Variants in RGS12 observed in about 807,000 individuals in gnomAD.
RGS12 encodes the protein regulator of G-protein signaling 12.
RGS12 carries 66 observed loss-of-function variants against 120.1 expected under a neutral mutation model. That is an observed-to-expected ratio of 0.55 (90% CI 0.45 to 0.67). The LOEUF (loss-of-function observed/expected upper bound fraction) is 0.67, where lower values mean the gene tolerates loss of function less well. Among genes scored for constraint, RGS12 ranks in the 30% least tolerant of loss-of-function variants. The pLI is 0.00. For synonymous variants in RGS12, 827 were observed against 804.7 expected, an observed-to-expected ratio of 1.03 and a Z score of -0.47; for missense variants, 1,859 against 1,957.7, an observed-to-expected ratio of 0.95 and a Z score of 0.95.
chr4:3,370,058 C>T lies in RGS12; in HGVS notation c.1999-16358C>T, dbSNP rs960887541. The T allele has an allele frequency of 7.1e-6, 9 of 1,264,668 alleles. No homozygotes were observed. In the East Asian group the frequency reaches 9.0e-5, roughly 13 times the overall value. The allele number at this position is 1,264,668 out of a possible 1,614,324, so 78.3% of individuals were successfully genotyped here. On this transcript the variant is annotated intron_variant, in intron 3 of 17. Transcript: ENST00000336727. Reference sequence around the variant, plus strand: ...GATCTCACAGCGTGATTTATGTAAACGGCGCTTCTTTCTTTGGATGAGACA... The same window carrying T: ...GATCTCACAGCGTGATTTATGTAAATGGCGCTTCTTTCTTTGGATGAGACA...
intron 2 of RGS12, among the ~76,000 whole-genome samples, chr4:3,332,020 A>G (rs1711907197): frequency 6.6e-6 from 1 of 152,180 alleles, no homozygotes. Flanking sequence ...GGGGCTGGGA[A>G]GCAGTGGACA....
intron 4 of RGS12, among the ~76,000 whole-genome samples, chr4:3,387,208 G>C (rs1718949719): frequency 6.6e-6 from 1 of 152,258 alleles, no homozygotes. Context: ...CTGTGGGCCA[G>C]GGATGGGCTG....
chr4:3,316,675 A>T lies in RGS12; in HGVS notation c.505A>T (p.Arg169Ter). Reference sequence around the variant, plus strand: ...TTCAGAGCCCTTGAAATTGAAACAAAGATCCCTTTCAGAGTCGGCCGCAAC... The same window carrying T: ...TTCAGAGCCCTTGAAATTGAAACAATGATCCCTTTCAGAGTCGGCCGCAAC... The part of the protein sequence containing the change: ...SNSEPLKLKQ[R>*]SLSESAATRF... The change falls in exon 2 of 18, where the codon AGA (arginine) becomes TGA (stop). Residue 169 changes from arginine to a stop codon, truncating the protein, a stop_gained. Coordinates refer to ENST00000336727, the MANE Select transcript of RGS12 (RefSeq NM_001394154.1). LOFTEE classifies it high-confidence loss of function. The T allele has an allele frequency of 6.2e-7, 1 of 1,614,140 alleles. No individual in the cohort carries two copies. Among genetic ancestry groups the T allele is most frequent in the Non-Finnish European group, 8.5e-7 (1 of 1,180,020 alleles).
chr4:3,312,198 T>G (rs998310466), intron 1 of RGS12, among the ~76,000 whole-genome samples: 2 of 152,204 alleles, frequency 1.3e-5, no homozygotes, highest in Non-Finnish European at 2.9e-5. Context: ...CTTCTAAATT[T>G]CACTGTCTGT....
chr4:3,368,450 GT>G (rs1716586102), intron 3 of RGS12, among the ~76,000 whole-genome samples: 3 of 129,724 alleles, frequency 2.3e-5, no homozygotes, highest in South Asian at 2.8e-4. Context: ...CTGTGTGTGT[GT>G]GGGGTGCCTT....
At chr4:3,375,162 C>T (rs989590471) in intron 3 of RGS12, among the ~76,000 whole-genome samples, 1 of 152,178 alleles carries the variant, frequency 6.6e-6, no homozygotes, top group Non-Finnish European at 1.5e-5. Context: ...GGTTTAGCTG[C>T]ACGGGAGGTC....
At chr4:3,322,628 G>A (rs1459866698) in intron 2 of RGS12, among the ~76,000 whole-genome samples, 1 of 152,138 alleles carries the variant, frequency 6.6e-6, no homozygotes, top group Non-Finnish European at 1.5e-5. Context: ...TTAAGTAGCA[G>A]CACCCAAATT....
chr4:3,346,893 G>A (rs1378057542), intron 3 of RGS12, among the ~76,000 whole-genome samples: 2 of 152,164 alleles, frequency 1.3e-5, no homozygotes, highest in East Asian at 3.9e-4. Context: ...CCTTGAAGCA[G>A]GGTATTCTAT....
At chr4:3,324,511 G>A (rs1725430901) in intron 2 of RGS12, 2 of 186,350 alleles carry the variant, frequency 1.1e-5, no homozygotes, top group Non-Finnish European at 2.2e-5. Flanking sequence ...CCTGTGGCCT[G>A]AGGCCTGGGT....
At position 3,435,107 on chromosome 4, in the gene RGS12, A is replaced by G. The variant is rs536191212; in HGVS notation, c.4114+4152A>G. Among the ~76,000 whole-genome samples the G allele has an allele frequency of 3.4e-4, 51 of 152,214 alleles. 1 individual carries two copies. The highest frequency in any genetic ancestry group is 6.8e-3 in the Middle Eastern group (2 of 294). Reference sequence around the variant, plus strand: ...AGGGGTCACTCAACCTGGAGGCCCCAGTGTCACAGCTGCCAGTATCCCCTA... The same window carrying G: ...AGGGGTCACTCAACCTGGAGGCCCCGGTGTCACAGCTGCCAGTATCCCCTA... On this transcript the variant is annotated intron_variant, in intron 17 of 17. Coordinates refer to ENST00000336727, the MANE Select transcript of RGS12 (RefSeq NM_001394154.1).
intron 3 of RGS12, among the ~76,000 whole-genome samples, chr4:3,377,172 A>G (rs1717792364): frequency 6.6e-6 from 1 of 152,074 alleles, no homozygotes. Flanking sequence ...AGGGGGCTCA[A>G]GCGATCCTCC....
At chr4:3,344,346 G>A (rs6837479) in intron 3 of RGS12, among the ~76,000 whole-genome samples, 10,886 of 152,246 alleles carry the variant, frequency 0.072, 705 homozygotes, top group African/African-American at 0.18. Flanking sequence ...TCATGCTGCT[G>A]ATGAAGACTC....
intron 3 of RGS12, among the ~76,000 whole-genome samples, chr4:3,354,277 C>A (rs925935787): frequency 5.3e-5 from 8 of 152,194 alleles, no homozygotes; most frequent in African/African-American, 1.7e-4. Flanking sequence ...CTTTACAAGT[C>A]CTGAGTGGGG....
chr4:3,317,633 C>G lies in RGS12; in HGVS notation c.1463C>G (p.Ala488Gly). ...CCCGAAGGGAGCCCCCCATTTGAGGCCGCTCATCAGACTGACAGGTTCTGG... is the reference window on the plus strand; with the variant it reads ...CCCGAAGGGAGCCCCCCATTTGAGGGCGCTCATCAGACTGACAGGTTCTGG... ...PDPEGSPPFE[A>G]AHQTDRFWDL... Residue 488 changes from alanine to glycine, a missense_variant, in exon 2 of 18, where the codon GCC (alanine) becomes GGC (glycine). Physicochemically the swap from Ala to Gly is moderately conservative, Grantham distance 60 (BLOSUM62 0). This residue lies in a region of RGS12 where 967 missense variants were observed against 994.2 expected (regional missense o/e 0.97). Coordinates refer to ENST00000336727, the MANE Select transcript of RGS12 (RefSeq NM_001394154.1). 1 of 1,589,756 alleles carries G rather than the reference C, an allele frequency of 6.3e-7. No homozygotes were observed. The highest frequency in any genetic ancestry group is 8.6e-7 in the Non-Finnish European group (1 of 1,166,106).
Position 3,372,652 on chromosome 4 carries a change from T to A in RGS12, c.1999-13764T>A, listed in dbSNP as rs528476381. Among the ~76,000 whole-genome samples the A allele has an allele frequency of 6.6e-6, 1 of 152,330 alleles. No individual in the cohort carries two copies. Among genetic ancestry groups the A allele is most frequent in the South Asian group, 2.1e-4 (1 of 4,826 alleles). On this transcript the variant is annotated intron_variant, in intron 3 of 17. Coordinates refer to ENST00000336727, the MANE Select transcript of RGS12 (RefSeq NM_001394154.1). This position sits in a 1 kb window ranked among gnomAD's most constrained non-coding sequence, Gnocchi z 4.3. ...TGTGGTTTTGTGACGTCTCAGGGTG[T>A]CCTTTCTTTCCTTCATGAGAAGAAG...
chr4:3,368,471 GGGTGCCTGTGTGTGA>G (rs1560119677), intron 3 of RGS12, among the ~76,000 whole-genome samples: 2 of 123,452 alleles, frequency 1.6e-5, no homozygotes, highest in Admixed American at 8.5e-5. Flanking sequence ...TTGTGTGTGG[GGGTGCCTGTGTGTGA>G]GGTGCCTGTG....
intron 4 of RGS12, among the ~76,000 whole-genome samples, chr4:3,410,131 A>T (rs1721580615): frequency 6.6e-6 from 1 of 152,260 alleles, no homozygotes; most frequent in Non-Finnish European, 1.5e-5. Flanking sequence ...CATAATGCAG[A>T]AACTTCATTC....
In RGS12 at chr4:3,293,043, C is replaced by G. The variant is rs1723130645; in HGVS notation, c.-158C>G. ...GGTGGCTGCCGAGGCGACCGTTGCGCGCGCGGGCGGTGGCGCGGGCCGAAG... is the reference window on the plus strand; with the variant it reads ...GGTGGCTGCCGAGGCGACCGTTGCGGGCGCGGGCGGTGGCGCGGGCCGAAG... On this transcript the variant is annotated 5_prime_UTR_variant, in exon 1 of 18. Transcript: ENST00000336727. 1 of 148,510 alleles carries G rather than the reference C, an allele frequency of 6.7e-6. No individual in the cohort carries two copies. Among genetic ancestry groups the G allele is most frequent in the South Asian group, 2.1e-4 (1 of 4,774 alleles). 9.2% of individuals were successfully genotyped at this position (148,510 alleles called of 1,614,324 possible). A position where few individuals can be genotyped will look rare whatever the true frequency, so the allele number is the denominator to read the frequency against.
intron 9 of RGS12, 158 bp downstream of exon 9, chr4:3,417,699 G>T (rs1298812195): frequency 9.6e-6 from 7 of 731,210 alleles, no homozygotes; most frequent in East Asian, 2.7e-5. Flanking sequence ...AAGGAATGCC[G>T]CTGTGTCTGG....
Sources: gnomAD v4.1 joint callset for allele counts (sites outside exome capture counted in the v4.1 genomes callset) on GRCh38, gnomAD v4.1.1 for gene constraint, gnomAD v4.1.1 regional missense constraint, Gnocchi (gnomAD v3.1) non-coding constraint, MANE v1.5 for transcripts, NCBI Gene and HGNC (gene_info 2026-07-23, HGNC 2026-07-21) for gene names.